The following ATRNL1 variants were observed in gnomAD, a reference collection of about 807,000 sequenced individuals.
ATRNL1 encodes attractin-like protein 1.
ATRNL1 carries 95 observed loss-of-function variants against 182.7 expected under a neutral mutation model. The observed-to-expected ratio is 0.52, with a 90% CI of 0.44 to 0.62. ATRNL1 has a LOEUF of 0.62. Ranked by LOEUF, ATRNL1 falls within the 20% of genes least tolerant of loss-of-function variation. The probability of loss-of-function intolerance (pLI) is 0.00; values close to 1 mark genes in which losing one functional copy is unlikely to be tolerated. For synonymous variants in ATRNL1, 576 were observed against 568.3 expected (o/e 1.01, Z -0.19); for missense variants, 1,471 against 1,679.5 (o/e 0.88, Z 2.17).
intron 28 of ATRNL1, among the ~76,000 whole-genome samples, chr10:115,927,291 A>G (rs73365760): frequency 0.18 from 26,846 of 152,118 alleles, 2,438 homozygotes; most frequent in Non-Finnish European, 0.2. Context: ...ACAAATCCAC[A>G]GCCAATATCA....
At chr10:115,153,574 T>G (rs1387097235) in intron 5 of ATRNL1, among the ~76,000 whole-genome samples, 2 of 152,228 alleles carry the variant, frequency 1.3e-5, no homozygotes, top group African/African-American at 2.4e-5. Context: ...TTATCATTTT[T>G]TATTGCATCT....
chr10:115,132,134 A>G (rs910109060), intron 5 of ATRNL1, among the ~76,000 whole-genome samples: 1 of 148,102 alleles, frequency 6.8e-6, no homozygotes, highest in Admixed American at 6.8e-5. Flanking sequence ...CCTGTGTCCA[A>G]GTGTTCTCAT....
At chr10:115,912,901 C>T (rs1179137083) in intron 28 of ATRNL1, among the ~76,000 whole-genome samples, 1 of 152,170 alleles carries the variant, frequency 6.6e-6, no homozygotes, top group Non-Finnish European at 1.5e-5. Flanking sequence ...CCAGACCTGG[C>T]TGCCACCACT....
chr10:115,858,715 G>A (rs1276802688), intron 28 of ATRNL1, among the ~76,000 whole-genome samples: 5 of 152,078 alleles, frequency 3.3e-5, no homozygotes, highest in Admixed American at 2.0e-4. Context: ...AATGTTAAGG[G>A]TAAGTTTGTG....
Position 115,898,500 on chromosome 10 carries a change from T to C in ATRNL1, c.4019-46158T>C, listed in dbSNP as rs149293087. Among the ~76,000 whole-genome samples, 166 of 152,312 alleles carry C rather than the reference T, an allele frequency of 1.1e-3. 2 individuals are homozygous for C. In the South Asian group the frequency reaches 0.013, roughly 12 times the overall value. On this transcript the variant is annotated intron_variant, in intron 28 of 28. Coordinates refer to ENST00000355044, the MANE Select transcript of ATRNL1 (RefSeq NM_207303.4). ...TCTACTGTGTGCCTGGCAGTGCTAC[T>C]GTGTGCCTGGCAGTGCTGCTGTATG... is the stretch of plus-strand genomic sequence containing the variant.
chr10:115,434,728 T>G (rs2134424859), intron 21 of ATRNL1, among the ~76,000 whole-genome samples: 1 of 152,278 alleles, frequency 6.6e-6, no homozygotes, highest in Middle Eastern at 3.4e-3. Flanking sequence ...TGCATTCCAA[T>G]AAATTACCTT....
At chr10:115,536,103 C>G (rs1479839013) in intron 25 of ATRNL1, among the ~76,000 whole-genome samples, 3 of 152,062 alleles carry the variant, frequency 2.0e-5, no homozygotes, top group African/African-American at 4.8e-5. Flanking sequence ...TCTCAGATCT[C>G]CAGCTGCGTG....
At chr10:115,481,187 A>T (rs1193895615) in intron 24 of ATRNL1, among the ~76,000 whole-genome samples, 1 of 150,244 alleles carries the variant, frequency 6.7e-6, no homozygotes, top group African/African-American at 2.4e-5. Flanking sequence ...ACATATTGTA[A>T]ACAATTTTAG....
At chr10:115,696,461 C>A (rs1313296120) in intron 26 of ATRNL1, among the ~76,000 whole-genome samples, 4 of 152,094 alleles carry the variant, frequency 2.6e-5, no homozygotes, top group African/African-American at 7.2e-5. Flanking sequence ...CAGAGAGATA[C>A]CCTGTCTCAA....
chr10:115,360,661 T>TA (rs1554943956), intron 19 of ATRNL1, among the ~76,000 whole-genome samples: 161 of 151,038 alleles, frequency 1.1e-3, no homozygotes, highest in Admixed American at 1.3e-3. Context: ...TCTTTTTTTT[T>TA]TAAAAAAAAA....
At chr10:115,523,519 C>T (rs1223740781) in intron 25 of ATRNL1, among the ~76,000 whole-genome samples, 1 of 152,174 alleles carries the variant, frequency 6.6e-6, no homozygotes, top group Non-Finnish European at 1.5e-5. Context: ...TTATACATTC[C>T]AACTCTAGGT....
intron 17 of ATRNL1, among the ~76,000 whole-genome samples, chr10:115,310,373 C>T (rs527831652): frequency 6.6e-6 from 1 of 151,912 alleles, no homozygotes; most frequent in Admixed American, 6.6e-5. Context: ...GGAAAAATTT[C>T]CTATTTCTCA....
chr10:115,737,641 G>A (rs1421586653), intron 27 of ATRNL1, among the ~76,000 whole-genome samples: 1 of 152,014 alleles, frequency 6.6e-6, no homozygotes, highest in African/African-American at 2.4e-5. Flanking sequence ...AAGTTGAAAG[G>A]GATGGGAAGG....
At chr10:115,787,542 G>A (rs1296502534) in intron 27 of ATRNL1, among the ~76,000 whole-genome samples, 1 of 151,966 alleles carries the variant, frequency 6.6e-6, no homozygotes, top group Non-Finnish European at 1.5e-5. Context: ...TACCTTCATA[G>A]TAATCCACAT....
rs373066307 is a variant in ATRNL1 at position 115,430,466 on chromosome 10, G to A, written c.3322+4164G>A. ...GAATTCCTTTTTTATCTTTAAAAAC[G>A]TAATTATTTTCTTAGTTCCTTTCTT... On this transcript the variant is annotated intron_variant, in intron 21 of 28. Transcript: ENST00000355044. 6.6e-5 allele frequency among the ~76,000 whole-genome samples: 10 copies of A among 151,830 alleles called. No homozygotes were observed. In the South Asian group the frequency reaches 1.5e-3, roughly 22 times the overall value.
intron 24 of ATRNL1, among the ~76,000 whole-genome samples, chr10:115,496,323 T>A (rs1849547912): frequency 6.6e-6 from 1 of 152,188 alleles, no homozygotes; most frequent in Non-Finnish European, 1.5e-5. Flanking sequence ...TGGTGGAAAG[T>A]AATGGTCTTT....
intron 19 of ATRNL1, among the ~76,000 whole-genome samples, chr10:115,383,096 G>A (rs573221033): frequency 2.7e-5 from 4 of 147,458 alleles, no homozygotes; most frequent in Non-Finnish European, 4.5e-5. Flanking sequence ...GTATTTATTC[G>A]GTTATTTTTG....
chr10:115,393,337 G>T (rs1844124399), intron 19 of ATRNL1, among the ~76,000 whole-genome samples: 1 of 152,070 alleles, frequency 6.6e-6, no homozygotes, highest in South Asian at 2.1e-4. Context: ...CTAGCAATAT[G>T]ATTATCTGGT....
intron 8 of ATRNL1, among the ~76,000 whole-genome samples, chr10:115,191,590 C>T (rs781883846): frequency 2.6e-5 from 4 of 152,016 alleles, no homozygotes; most frequent in Non-Finnish European, 5.9e-5. Flanking sequence ...AAGGAATAGA[C>T]CAGGTAGAGG....
Sources: gnomAD v4.1 joint callset for allele counts (sites outside exome capture counted in the v4.1 genomes callset) on GRCh38, gnomAD v4.1.1 for gene constraint, MANE v1.5 for transcripts, NCBI Gene and HGNC (gene_info 2026-07-23, HGNC 2026-07-21) for gene names.